The following ADGRL2 variants were observed in gnomAD, a reference collection of about 807,000 sequenced individuals.
ADGRL2 encodes adhesion G protein-coupled receptor L2.
In ADGRL2, 44 loss-of-function variants were observed where a neutral mutation model predicts 157.4. The observed-to-expected ratio is 0.28, with a 90% confidence interval of 0.22 to 0.36. ADGRL2 has a LOEUF of 0.36. Ranked by LOEUF, ADGRL2 falls within the 10% of genes least tolerant of loss-of-function variation. ADGRL2 has a pLI of 1.00. For missense variants in ADGRL2, 1,510 were observed against 1,768.9 expected, an observed-to-expected ratio of 0.85 and a Z score of 2.63; for synonymous variants, 585 against 624.7, an observed-to-expected ratio of 0.94 and a Z score of 0.95.
At chr1:81,377,019 C>T (rs12035713) in intron 1 of ADGRL2, among the ~76,000 whole-genome samples, 86,736 of 151,488 alleles carry the variant, frequency 0.57, 25,495 homozygotes, top group East Asian at 0.89. Context: ...GAGACACCAT[C>T]TCTCCAAAAA....
chr1:81,877,094 T>C (rs2093860123), intron 2 of ADGRL2, among the ~76,000 whole-genome samples: 1 of 152,160 alleles, frequency 6.6e-6, no homozygotes, highest in African/African-American at 2.4e-5. Flanking sequence ...TTGTATTAAA[T>C]TGTCCATGAT....
rs540296077 is a variant in ADGRL2 at position 81,331,011 on chromosome 1, T to G, written c.-302+24502T>G. On this transcript the variant is annotated intron_variant, in intron 1 of 24. Transcript: ENST00000370721. The stretch of plus-strand genomic sequence containing the variant: ...TTTCACAAGTGCTGGAACCATGTCT[T>G]AAACATATTTGCATGCCCCATAGTG... Among the ~76,000 whole-genome samples, 8 of 152,276 alleles carry G rather than the reference T, an allele frequency of 5.3e-5. No individual in the cohort carries two copies. In the South Asian group the frequency reaches 1.7e-3, roughly 32 times the overall value.
At chr1:81,400,596 G>T (rs1408097554) in intron 1 of ADGRL2, among the ~76,000 whole-genome samples, 2 of 152,062 alleles carry the variant, frequency 1.3e-5, no homozygotes, top group Non-Finnish European at 2.9e-5. Flanking sequence ...GGCAGTGTGG[G>T]TCACAGGGGA....
chr1:81,436,385 C>T (rs924674473), intron 1 of ADGRL2, among the ~76,000 whole-genome samples: 1 of 152,202 alleles, frequency 6.6e-6, no homozygotes, highest in African/African-American at 2.4e-5. Context: ...ATCTATCTAA[C>T]ATACCTGACA....
chr1:81,423,772 C>T lies in ADGRL2; in HGVS notation c.-301-21264C>T, dbSNP rs2077166045. 1.3e-5 allele frequency among the ~76,000 whole-genome samples: 2 copies of T among 152,120 alleles called. 1 individual carries two copies. Among genetic ancestry groups the T allele is most frequent in the South Asian group, 4.1e-4 (2 of 4,822 alleles). ...AGGAACCACGTAATTAATCCTTGCA[C>T]CACTAAGATGAATTTCATCACAGAC... On this transcript the variant is annotated intron_variant, in intron 1 of 24. Coordinates refer to the ADGRL2 transcript ENST00000370721.
chr1:81,528,372 C>T (rs1408519129), intron 2 of ADGRL2, among the ~76,000 whole-genome samples: 1 of 152,142 alleles, frequency 6.6e-6, no homozygotes, highest in African/African-American at 2.4e-5. Flanking sequence ...CCCGGCCCGG[C>T]GCGGTGGCTC....
chr1:81,952,020 G>C lies in ADGRL2; in HGVS notation c.1672G>C (p.Val558Leu). Residue 558 changes from valine (V) to leucine (L), a missense_variant, in exon 9 of 24, where the codon GTG becomes CTG. Around this residue, in one of 4 missense-constraint regions of ADGRL2, gnomAD observed 325 missense variants for 333.2 expected, o/e 0.98. Transcript: ENST00000686636. Reference sequence around the variant, plus strand: ...ACTGGCTAAACATACCAAAGGGCCAGTGTTTGCTGGGGATGTAAGTTCTTC... The same window carrying C: ...ACTGGCTAAACATACCAAAGGGCCACTGTTTGCTGGGGATGTAAGTTCTTC... Reference protein sequence around the residue: ...NELAKHTKGPVFAGDVSSSVR... With the variant: ...NELAKHTKGPLFAGDVSSSVR... 6.2e-7 allele frequency: 1 copy of C among 1,613,780 alleles called. No homozygotes were observed. Among genetic ancestry groups the C allele is most frequent in the South Asian group, 1.1e-5 (1 of 91,070 alleles).
chr1:81,891,090 ATGTATATAGAAGTATAAT>A (rs2094252558), intron 2 of ADGRL2, among the ~76,000 whole-genome samples: 1 of 151,970 alleles, frequency 6.6e-6, no homozygotes, highest in Non-Finnish European at 1.5e-5. Context: ...CCCCCCATGC[ATGTATATAGAAGTATAAT>A]TTTAGTCTTT....
At chr1:81,946,948 C>T (rs1427793409) in intron 6 of ADGRL2, among the ~76,000 whole-genome samples, 1 of 152,094 alleles carries the variant, frequency 6.6e-6, no homozygotes, top group Non-Finnish European at 1.5e-5. Flanking sequence ...GAGGAAAACC[C>T]TGGTAATCAA....
intron 1 of ADGRL2, among the ~76,000 whole-genome samples, chr1:81,701,105 A>G (rs1412554501): frequency 2.0e-5 from 3 of 152,236 alleles, no homozygotes; most frequent in Non-Finnish European, 4.4e-5. Flanking sequence ...TAGTTAGCAA[A>G]CAGATTTCAG....
chr1:81,817,732 C>T (rs1279660909), intron 1 of ADGRL2, among the ~76,000 whole-genome samples: 1 of 151,898 alleles, frequency 6.6e-6, no homozygotes, highest in Non-Finnish European at 1.5e-5. Flanking sequence ...GCGGCCTTGT[C>T]CCCATTCTGT....
intron 3 of ADGRL2, among the ~76,000 whole-genome samples, chr1:81,925,505 A>G (rs1366568741): frequency 6.6e-6 from 1 of 151,902 alleles, no homozygotes; most frequent in Non-Finnish European, 1.5e-5. Flanking sequence ...AAGTTGGGAA[A>G]GATCCATAAT....
At chr1:81,454,160 C>T (rs141002892) in intron 2 of ADGRL2, among the ~76,000 whole-genome samples, 1 of 152,038 alleles carries the variant, frequency 6.6e-6, no homozygotes, top group East Asian at 1.9e-4. Flanking sequence ...ACATCTCAAT[C>T]CTCACTCTTT....
intron 1 of ADGRL2, among the ~76,000 whole-genome samples, chr1:81,825,977 G>A (rs964241484): frequency 3.9e-5 from 6 of 152,058 alleles, no homozygotes; most frequent in Non-Finnish European, 8.8e-5. Flanking sequence ...AATGGGAAGA[G>A]GATTAAGGTA....
At chr1:81,552,676 C>A (rs912065423) in intron 2 of ADGRL2, among the ~76,000 whole-genome samples, 2 of 147,840 alleles carry the variant, frequency 1.4e-5, no homozygotes, top group Admixed American at 6.7e-5. Context: ...CTGACTAAGA[C>A]TAAGCCTGGT....
intron 2 of ADGRL2, among the ~76,000 whole-genome samples, chr1:81,576,110 G>T (rs1004496145): frequency 6.6e-6 from 1 of 151,980 alleles, no homozygotes; most frequent in Non-Finnish European, 1.5e-5. Context: ...TTGCTTTTCA[G>T]TTTACCCAGG....
intron 3 of ADGRL2, among the ~76,000 whole-genome samples, chr1:81,581,872 G>GCA (rs1491200756): frequency 0.025 from 2,153 of 85,330 alleles, 55 homozygotes; most frequent in African/African-American, 0.076. Context: ...ACACACATGC[G>GCA]CGCACACACA....
intron 2 of ADGRL2, among the ~76,000 whole-genome samples, chr1:81,495,547 A>G (rs1012486243): frequency 7.9e-5 from 12 of 152,184 alleles, no homozygotes; most frequent in Admixed American, 6.5e-5. Context: ...ATAATGGCTG[A>G]TTAAGCAAAC....
chr1:81,714,524 C>T (rs944818090), intron 1 of ADGRL2, among the ~76,000 whole-genome samples: 9 of 152,082 alleles, frequency 5.9e-5, no homozygotes, highest in Admixed American at 5.9e-4. Context: ...ATAATTTTTA[C>T]CTAGCAATTT....
Sources: allele counts gnomAD v4.1 joint callset (sites outside exome capture counted in the v4.1 genomes callset), GRCh38; gene constraint gnomAD v4.1.1; regional missense constraint gnomAD v4.1.1; transcripts MANE v1.5; gene names NCBI Gene and HGNC (gene_info 2026-07-23, HGNC 2026-07-21).